Variants in ZNF584 observed in about 807,000 individuals in gnomAD.
ZNF584 encodes zinc finger protein 584.
Under a neutral mutation model 14.7 loss-of-function variants are expected in ZNF584, and 12 were observed. The observed-to-expected ratio is 0.82, with a 90% CI of 0.52 to 1.32. The LOEUF (loss-of-function observed/expected upper bound fraction) is 1.32, where lower values mean the gene tolerates loss of function less well. ZNF584 is among the 40% of genes most tolerant of loss of function. ZNF584 has a pLI of 0.00. For synonymous variants in ZNF584, 204 were observed against 190.9 expected (o/e 1.07, Z -0.57); for missense variants, 478 against 518.8 (o/e 0.92, Z 0.76).
In ZNF584 at chr19:58,410,096, G is replaced by A. The variant is rs2052524705; in HGVS notation, c.169+5G>A. On this transcript the variant is annotated splice_donor_5th_base_variant and intron_variant, in intron 2 of 3. Coordinates refer to ENST00000306910, the MANE Select transcript of ZNF584 (RefSeq NM_173548.3). ...TTGCACTCGTTAGCTCACTGGGTAA[G>A]TCTCTTACACTGTCCCCCAGCACAC... 1 of 1,606,566 alleles carries A rather than the reference G, an allele frequency of 6.2e-7. No individual in the cohort carries two copies.
chr19:58,416,570 T>G, intron 3 of ZNF584: 7 of 349,060 alleles, frequency 2.0e-5, no homozygotes, highest in East Asian at 4.6e-5. Flanking sequence ...ACCCGGCTAA[T>G]TTTGTATTTT....
upstream of ZNF584, among the ~76,000 whole-genome samples, chr19:58,407,874 C>T (rs191806023): frequency 1.3e-5 from 2 of 152,342 alleles, no homozygotes; most frequent in Admixed American, 6.5e-5. Context: ...CAGCCATGTA[C>T]TCACTCTCCT....
chr19:58,417,680 G>T lies in ZNF584; in HGVS notation c.1162G>T (p.Gly388Trp). 6.2e-7 allele frequency: 1 copy of T among 1,614,016 alleles called. No individual in the cohort carries two copies. The highest frequency in any genetic ancestry group is 1.1e-5 in the South Asian group (1 of 91,078). The change falls in exon 4 of 4, where the codon GGG becomes TGG. Residue 388 changes from glycine to tryptophan, a missense_variant. Coordinates refer to ENST00000306910, the MANE Select transcript of ZNF584 (RefSeq NM_173548.3). ...GAGGTCTTATGAATGTACAGAGTGT[G>T]GGAAGGCCTTCAAACATAGTTCCAC... ...EERSYECTEC[G>W]KAFKHSSTLL... is the part of the protein sequence containing the mutation.
upstream of ZNF584, chr19:58,404,540 A>G (rs569980857): frequency 1.6e-3 from 275 of 175,324 alleles, 1 homozygote; most frequent in South Asian, 3.8e-3. Flanking sequence ...CAGAGAGCAC[A>G]GGGTTGGGGG....
chr19:58,408,955 G>C lies in ZNF584; in HGVS notation c.-193G>C. On this transcript the variant is annotated 5_prime_UTR_variant, in exon 1 of 4. Coordinates refer to ENST00000306910, the MANE Select transcript of ZNF584 (RefSeq NM_173548.3). ...GACTTATCGCTCGCGGACAGGCGCC[G>C]TGGGTCTCCCGGGCCTCCGTACCGT... 1 of 567,852 alleles carries C rather than the reference G, an allele frequency of 1.8e-6. No homozygotes were observed. Among genetic ancestry groups the C allele is most frequent in the Non-Finnish European group, 2.9e-6 (1 of 350,818 alleles). The allele number at this position is 567,852 out of a possible 1,614,324, so 35.2% of individuals were successfully genotyped here.
At position 58,409,983 on chromosome 19, in the gene ZNF584, G is replaced by A; in HGVS notation, c.61G>A (p.Asp21Asn). ...PSLQGLVMFE[D>N]VTVYFSREEW... ...ATTGCAGGGCTTGGTGATGTTTGAG[G>A]ATGTGACGGTATATTTCTCCAGGGA... Residue 21 changes from aspartate to asparagine, a missense_variant, in exon 2 of 4, where the codon GAT becomes AAT. Transcript: ENST00000306910. 1.9e-6 allele frequency: 3 copies of A among 1,614,078 alleles called. No individual in the cohort carries two copies. Among genetic ancestry groups the A allele is most frequent in the Non-Finnish European group, 2.5e-6 (3 of 1,180,006 alleles).
intron 2 of ZNF584, among the ~76,000 whole-genome samples, chr19:58,410,926 G>T (rs142853155): frequency 6.7e-6 from 1 of 149,168 alleles, no homozygotes; most frequent in Non-Finnish European, 1.5e-5. Flanking sequence ...CGAGTAGCTG[G>T]GACTACAGGC....
intron 2 of ZNF584, among the ~76,000 whole-genome samples, chr19:58,415,186 C>T (rs572228905): frequency 3.9e-4 from 59 of 152,070 alleles, no homozygotes; most frequent in African/African-American, 1.4e-3. Context: ...AGCCACTGCG[C>T]CCGGCCTGTT....
chr19:58,401,899 AAAAAAG>A (rs1289000884), intron 1 of ZNF584, among the ~76,000 whole-genome samples: 13 of 144,704 alleles, frequency 9.0e-5, no homozygotes, highest in African/African-American at 3.4e-4. Context: ...AAAAAAAAAA[AAAAAAG>A]ATTTTTTTTT....
intron 2 of ZNF584, among the ~76,000 whole-genome samples, chr19:58,412,192 G>A (rs573498760): frequency 2.3e-5 from 3 of 130,926 alleles, no homozygotes; most frequent in East Asian, 4.1e-4. Flanking sequence ...ATGTTGGCCA[G>A]GGTGGTCTTT....
intron 2 of ZNF584, among the ~76,000 whole-genome samples, 175 bp downstream of exon 2, chr19:58,410,266 C>T (rs986348293): frequency 1.3e-5 from 2 of 151,614 alleles, no homozygotes; most frequent in African/African-American, 4.9e-5. Flanking sequence ...TCTTTCCCTG[C>T]CTTTCTCTGA....
chr19:58,416,785 T>G, intron 3 of ZNF584, 26 bp from the exon 4 acceptor site: 3 of 1,525,406 alleles, frequency 2.0e-6, no homozygotes, highest in Non-Finnish European at 2.6e-6. Context: ...GTTCAACTCT[T>G]AGTAATGATT....
intron 1 of ZNF584, among the ~76,000 whole-genome samples, chr19:58,402,100 C>T (rs761560722): frequency 3.3e-5 from 5 of 151,870 alleles, no homozygotes; most frequent in Non-Finnish European, 5.9e-5. Flanking sequence ...TAAATGCAGT[C>T]AAATTCGAAC....
At chr19:58,410,692 T>C (rs573782834) in intron 2 of ZNF584, among the ~76,000 whole-genome samples, 1 of 56,658 alleles carries the variant, frequency 1.8e-5, no homozygotes, top group Admixed American at 1.7e-4. Flanking sequence ...TATGTATATA[T>C]GTATATATAT....
Position 58,417,463 on chromosome 19 carries a change from TCAC to T in ZNF584, c.948_950del (p.His316del), listed in dbSNP as rs1308290741. The T allele has an allele frequency of 6.2e-7, 1 of 1,613,816 alleles. No individual in the cohort carries two copies. On this transcript the variant is annotated inframe_deletion, in exon 4 of 4. Coordinates refer to ENST00000306910, the MANE Select transcript of ZNF584 (RefSeq NM_173548.3). ...TTAAATACAATAATAGCTTCATTCT[TCAC>T]CAGAGAGTTCACACTGGAGAAAGGC...
intron 1 of ZNF584, 147 bp from the exon 2 acceptor site, chr19:58,409,794 G>C: frequency 1.1e-6 from 1 of 901,282 alleles, no homozygotes; most frequent in East Asian, 2.5e-5. Flanking sequence ...TATGTGTAGG[G>C]AGTAAGGTGG....
At chr19:58,401,726 CCGGGGACGAGTCT>C (rs1389657218) in intron 1 of ZNF584, 1 of 139,950 alleles carries the variant, frequency 7.1e-6, no homozygotes, top group African/African-American at 2.6e-5. Context: ...CCACGCCACG[CCGGGGACGAGTCT>C]GTGGCACAGA....
chr19:58,406,554 A>G (rs1241162251), upstream of ZNF584: 2 of 152,334 alleles, frequency 1.3e-5, no homozygotes, highest in East Asian at 3.8e-4. Context: ...TGGCAAGGCT[A>G]GTGACCTTGG....
intron 2 of ZNF584, among the ~76,000 whole-genome samples, chr19:58,412,369 C>G (rs12983679): frequency 0.18 from 26,532 of 151,338 alleles, 2,578 homozygotes; most frequent in Non-Finnish European, 0.22. Flanking sequence ...GCCACCGCGC[C>G]CGGCTAATTT....
Sources: gnomAD v4.1 joint callset for allele counts (sites outside exome capture counted in the v4.1 genomes callset) on GRCh38, gnomAD v4.1.1 for gene constraint, MANE v1.5 for transcripts, NCBI Gene and HGNC (gene_info 2026-07-23, HGNC 2026-07-21) for gene names.